Variants in ZNF559 observed in about 807,000 individuals in gnomAD.
The protein encoded by ZNF559 is zinc finger protein 559, also known as putative protein product of Nbla00121.
In ZNF559, 17 loss-of-function variants were observed where a neutral mutation model predicts 14.2. That is an observed-to-expected ratio of 1.20 (90% CI 0.82 to 1.80). The LOEUF (loss-of-function observed/expected upper bound fraction) is 1.80. Among genes scored for constraint, ZNF559 ranks in the 40% most tolerant of loss-of-function variants. The pLI is 0.00. For synonymous variants in ZNF559, 244 were observed against 212.4 expected (o/e 1.15, Z -1.29); for missense variants, 740 against 629.7 (o/e 1.18, Z -1.88).
At chr19:9,336,458 G>T (rs1385200109) in intron 2 of ZNF559, among the ~76,000 whole-genome samples, 1 of 151,988 alleles carries the variant, frequency 6.6e-6, no homozygotes, top group Admixed American at 6.6e-5. Context: ...GGGGTTGGTG[G>T]TGCATGCCTG....
rs777973155 is a variant in ZNF559 at position 9,341,734 on chromosome 19, C to G, written c.283C>G (p.Gln95Glu). The change falls in exon 7 of 7, where the codon CAA becomes GAA. Residue 95 changes from glutamine (Q) to glutamate (E), a missense_variant. Gln to Glu is a conservative substitution (Grantham distance 29, BLOSUM62 2). Transcript: ENST00000603380. The part of the protein sequence containing the change: ...HFGEELFDFN[Q>E]CEKALSEHSC... Reference sequence around the variant, plus strand: ...TGGAGAGGAACTGTTTGACTTTAACCAATGTGAAAAAGCCTTGAGTGAACA... The same window carrying G: ...TGGAGAGGAACTGTTTGACTTTAACGAATGTGAAAAAGCCTTGAGTGAACA... The G allele has an allele frequency of 1.3e-6, 2 of 1,595,474 alleles. No homozygotes were observed. The highest frequency in any genetic ancestry group is 3.7e-5 in the Admixed American group (2 of 54,050).
intron 2 of ZNF559, among the ~76,000 whole-genome samples, chr19:9,335,959 C>G (rs2067214977): frequency 6.6e-6 from 1 of 152,248 alleles, no homozygotes; most frequent in Non-Finnish European, 1.5e-5. Context: ...GGGGGCTCTG[C>G]TGTAGCAGCA....
intron 2 of ZNF559, among the ~76,000 whole-genome samples, chr19:9,328,010 A>C (rs372156117): frequency 4.6e-5 from 7 of 152,214 alleles, no homozygotes; most frequent in African/African-American, 1.7e-4. Flanking sequence ...GTGGACATCT[A>C]TGGCCTTACA....
intron 5 of ZNF559, among the ~76,000 whole-genome samples, chr19:9,340,842 A>T (rs911384926): frequency 6.6e-6 from 1 of 150,422 alleles, no homozygotes; most frequent in Non-Finnish European, 1.5e-5. Flanking sequence ...AAGTGCTGGG[A>T]TTACAGGTGT....
intron 1 of ZNF559, 191 bp downstream of exon 1, chr19:9,324,419 G>C: frequency 6.9e-7 from 1 of 1,444,910 alleles, no homozygotes; most frequent in Middle Eastern, 2.2e-4. Context: ...GTCCTCAGGG[G>C]TCGAGGCGGC....
chr19:9,339,015 T>C (rs1402294261), intron 4 of ZNF559, among the ~76,000 whole-genome samples, 178 bp from the exon 5 acceptor site: 1 of 152,166 alleles, frequency 6.6e-6, no homozygotes, highest in African/African-American at 2.4e-5. Context: ...CTTCAAGCCA[T>C]ATGACTAGAT....
Position 9,342,475 on chromosome 19 carries a change from A to C in ZNF559, c.1024A>C (p.Lys342Gln). The change falls in exon 7 of 7, where the codon AAA becomes CAA. Residue 342 changes from lysine (K) to glutamine (Q), a missense_variant. Transcript: ENST00000603380. ...CTTCACTGATTCATCAGGTCTTATA[A>C]AACACAGGCGAACTCACACTGGAGA... ...KAFTDSSGLI[K>Q]HRRTHTGEKP... The C allele has an allele frequency of 6.2e-7, 1 of 1,614,060 alleles. No homozygotes were observed. The highest frequency in any genetic ancestry group is 1.1e-5 in the South Asian group (1 of 91,084).
chr19:9,330,671 G>A (rs1310089671), intron 2 of ZNF559, among the ~76,000 whole-genome samples: 1 of 151,936 alleles, frequency 6.6e-6, no homozygotes, highest in Non-Finnish European at 1.5e-5. Flanking sequence ...TCAATCTCTG[G>A]GTTGAATTTC....
rs2066486177 is a variant in ZNF559, at chr19:9,324,792, A to G, written c.-120+12A>G. ...TCTGTCGTGTCCCGGTGAGCACTTC[A>G]TGCACTTGTTCTGGCTGTGGGTGTC... On this transcript the variant is annotated intron_variant, in intron 2 of 6. Transcript: ENST00000603380. 2.0e-6 allele frequency: 3 copies of G among 1,535,046 alleles called. No homozygotes were observed. Among genetic ancestry groups the G allele is most frequent in the Non-Finnish European group, 2.6e-6 (3 of 1,146,212 alleles).
chr19:9,337,614 T>C (rs2067312129), intron 2 of ZNF559, 182 bp from the exon 3 acceptor site: 1 of 259,244 alleles, frequency 3.9e-6, no homozygotes, highest in Non-Finnish European at 7.4e-6. Context: ...GGTTAATTAG[T>C]GTCTGAGCTT....
chr19:9,341,662 C>G, intron 6 of ZNF559, 33 bp from the exon 7 acceptor site: 1 of 1,602,712 alleles, frequency 6.2e-7, no homozygotes, highest in Non-Finnish European at 8.5e-7. Flanking sequence ...ATTTGGAAAA[C>G]TTCTATGAAC....
At chr19:9,325,941 G>A (rs2066569519) in intron 2 of ZNF559, among the ~76,000 whole-genome samples, 1 of 151,988 alleles carries the variant, frequency 6.6e-6, no homozygotes, top group Non-Finnish European at 1.5e-5. Context: ...CCTCCTGAAA[G>A]TGAAGACAAG....
chr19:9,337,710 A>C, intron 2 of ZNF559, 86 bp from the exon 3 acceptor site: 1 of 954,462 alleles, frequency 1.0e-6, no homozygotes, highest in Non-Finnish European at 1.4e-6. Context: ...GCACATGGGT[A>C]CTAGGTAAAC....
At position 9,344,865 on chromosome 19, in the gene ZNF559, TG is replaced by T. The variant is rs1232658476; in HGVS notation, c.*1798del. 1.3e-5 allele frequency: 2 copies of T among 152,186 alleles called. No homozygotes were observed. Among genetic ancestry groups the T allele is most frequent in the Non-Finnish European group, 2.9e-5 (2 of 68,038 alleles). 9.4% of individuals were successfully genotyped at this position (152,186 alleles called of 1,614,324 possible). ...TCTTTCAGTAAGTTTGAGATATAAT[TG>T]CCATGTAATAAACTGCACATGTTTT... On this transcript the variant is annotated 3_prime_UTR_variant, in exon 7 of 7. Transcript: ENST00000603380.
At chr19:9,328,287 A>C (rs1221622635) in intron 2 of ZNF559, among the ~76,000 whole-genome samples, 1 of 143,630 alleles carries the variant, frequency 7.0e-6, no homozygotes, top group African/African-American at 2.6e-5. Flanking sequence ...ATTTGCTTGA[A>C]CTCAGTTTTT....
intron 2 of ZNF559, among the ~76,000 whole-genome samples, chr19:9,326,793 C>G (rs1011956349): frequency 6.6e-6 from 1 of 152,132 alleles, no homozygotes; most frequent in Non-Finnish European, 1.5e-5. Flanking sequence ...TTTACACTTA[C>G]AGCTAATTTT....
intron 3 of ZNF559, 24 bp downstream of exon 3, chr19:9,337,882 T>C (rs1432156281): frequency 6.5e-7 from 1 of 1,528,814 alleles, no homozygotes; most frequent in South Asian, 1.2e-5. Context: ...CTCCCACTAC[T>C]ACTTAATCAA....
intron 2 of ZNF559, among the ~76,000 whole-genome samples, chr19:9,334,172 T>C (rs2067097840): frequency 6.6e-6 from 1 of 152,208 alleles, no homozygotes. Context: ...CAAATGTCTG[T>C]CTACAAGAAT....
Position 9,324,716 on chromosome 19 carries a change from G to T in ZNF559, c.-184G>T. Reference sequence around the variant, plus strand: ...TAAGGAACAGCATCTCTGCCTTCCTGTTCACGGTGACCTTCGCTTGGTGTC... The same window carrying T: ...TAAGGAACAGCATCTCTGCCTTCCTTTTCACGGTGACCTTCGCTTGGTGTC... On this transcript the variant is annotated 5_prime_UTR_variant, in exon 2 of 7. Transcript: ENST00000603380. 6.5e-7 allele frequency: 1 copy of T among 1,533,862 alleles called. No homozygotes were observed. Among genetic ancestry groups the T allele is most frequent in the Non-Finnish European group, 8.7e-7 (1 of 1,146,486 alleles).
Sources: allele counts gnomAD v4.1 joint callset (sites outside exome capture counted in the v4.1 genomes callset), GRCh38; gene constraint gnomAD v4.1.1; transcripts MANE v1.5; gene names NCBI Gene and HGNC (gene_info 2026-07-23, HGNC 2026-07-21).